XAF1: variants seen among roughly 807,000 people sequenced by gnomAD.
The protein encoded by XAF1 is XIAP associated factor 1.
In XAF1, 32 loss-of-function variants were observed where a neutral mutation model predicts 32.3. The observed-to-expected ratio is 0.99, with a 90% CI of 0.75 to 1.33. XAF1 has a LOEUF of 1.33. Among genes scored for constraint, XAF1 ranks in the 40% most tolerant of loss-of-function variants. The pLI, the probability that XAF1 is intolerant of heterozygous loss-of-function variation, is 0.00. For missense variants in XAF1, 379 were observed against 366.0 expected, an observed-to-expected ratio of 1.04 and a Z score of -0.29; for synonymous variants, 120 against 125.9, an observed-to-expected ratio of 0.95 and a Z score of 0.31.
chr17:6,761,547 C>G (rs1254961808), intron 4 of XAF1, among the ~76,000 whole-genome samples: 2 of 152,194 alleles, frequency 1.3e-5, no homozygotes, highest in Admixed American at 6.5e-5. Flanking sequence ...AACATGGTAA[C>G]ATGGGAGAGA....
At chr17:6,766,856 C>T (rs1975658581) in intron 5 of XAF1, among the ~76,000 whole-genome samples, 2 of 152,330 alleles carry the variant, frequency 1.3e-5, no homozygotes, top group East Asian at 1.9e-4. Flanking sequence ...ATGCCCCAGG[C>T]TTGATGATTA....
intron 5 of XAF1, among the ~76,000 whole-genome samples, chr17:6,766,112 C>T (rs1161175809): frequency 6.6e-6 from 1 of 152,172 alleles, no homozygotes; most frequent in East Asian, 1.9e-4. Context: ...AGCTAACTCT[C>T]TCACTTCTCT....
At chr17:6,760,734 G>A in intron 4 of XAF1, 133 bp downstream of exon 4, 2 of 965,688 alleles carry the variant, frequency 2.1e-6, no homozygotes, top group Non-Finnish European at 3.0e-6. Flanking sequence ...AATTCATCTG[G>A]CTATTCTAAT....
intron 6 of XAF1, 67 bp downstream of exon 6, chr17:6,771,051 A>G (rs1000644479): frequency 6.5e-7 from 1 of 1,527,776 alleles, no homozygotes; most frequent in Non-Finnish European, 8.9e-7. Context: ...AAAAAATCCA[A>G]GACCTGAAAG....
intron 6 of XAF1, chr17:6,771,222 C>G: frequency 2.2e-6 from 1 of 444,812 alleles, no homozygotes; most frequent in Non-Finnish European, 4.0e-6. Flanking sequence ...AAGGTAGAGC[C>G]AGGTCCCTCT....
chr17:6,773,281 C>A lies in XAF1; in HGVS notation c.*112C>A. ...AAGGTGATGGGTTTTATTCGTTGGG[C>A]TTTAAAAGAAAAGGTTTGGCAGAAC... On this transcript the variant is annotated 3_prime_UTR_variant, in exon 7 of 7. Transcript: ENST00000361842. The A allele has an allele frequency of 1.0e-6, 1 of 963,182 alleles. No homozygotes were observed. Among genetic ancestry groups the A allele is most frequent in the Non-Finnish European group, 1.5e-6 (1 of 676,658 alleles). The allele number at this position is 963,182 out of a possible 1,614,324, so 59.7% of individuals were successfully genotyped here. A position where few individuals can be genotyped will look rare whatever the true frequency, so the allele number is the denominator to read the frequency against.
intron 6 of XAF1, chr17:6,771,826 T>C (rs957086794): frequency 2.6e-5 from 4 of 152,208 alleles, no homozygotes; most frequent in African/African-American, 9.7e-5. Flanking sequence ...AAAGCAAAGC[T>C]AACCCTAATT....
intron 5 of XAF1, among the ~76,000 whole-genome samples, chr17:6,768,159 T>G (rs73356283): frequency 0.041 from 6,271 of 152,004 alleles, 395 homozygotes; most frequent in African/African-American, 0.14. Flanking sequence ...AGTCTCACTC[T>G]GTTGCCTGGG....
intron 5 of XAF1, among the ~76,000 whole-genome samples, chr17:6,769,204 T>C (rs1172490681): frequency 2.0e-5 from 3 of 152,140 alleles, no homozygotes; most frequent in Non-Finnish European, 4.4e-5. Flanking sequence ...ATTTTCTGTT[T>C]TTAGCCCATC....
chr17:6,756,107 AC>A lies in XAF1; in HGVS notation c.30del (p.Cys11ValfsTer5), dbSNP rs1437077601. 5.6e-6 allele frequency: 9 copies of A among 1,613,878 alleles called. No individual in the cohort carries two copies. The highest frequency in any genetic ancestry group is 7.6e-6 in the Non-Finnish European group (9 of 1,179,976). ...GAAGGAGACTTCTCGGTGTGCAGGA[AC>A]TGGTAAGAAAGTGCTTTCTCCAGCG... MEGDFSVCR[N>X]CKRHVVSANF... On this transcript the variant is annotated frameshift_variant and splice_region_variant, in exon 1 of 7. Transcript: ENST00000361842. LOFTEE classifies it high-confidence loss of function.
At chr17:6,756,399 AC>A in intron 1 of XAF1, 1 of 782,752 alleles carries the variant, frequency 1.3e-6, no homozygotes, top group East Asian at 3.6e-5. Flanking sequence ...CAACTGGGCT[AC>A]TCATACTTGT....
In XAF1 at chr17:6,760,451, C is replaced by T. The variant is rs774998839; in HGVS notation, c.271C>T (p.Leu91=). ...CCCTGTTGAGTGTAAGTTCTGCAAA[C>T]TGGACATGCAGCTCAGCAAGCTGGA... is the stretch of plus-strand genomic sequence containing the variant. ...ERPVECKFCK[L]DMQLSKLELH... is the part of the protein sequence containing the mutation. The change falls in exon 4 of 7, where the codon CTG becomes TTG. Residue 91 remains leucine, a synonymous_variant. Transcript: ENST00000361842. The T allele has an allele frequency of 1.2e-6, 2 of 1,606,880 alleles. No homozygotes were observed. Among genetic ancestry groups the T allele is most frequent in the Non-Finnish European group, 1.7e-6 (2 of 1,176,108 alleles).
At chr17:6,765,367 CACGCCACT>C (rs1478153168) in intron 5 of XAF1, among the ~76,000 whole-genome samples, 1 of 152,100 alleles carries the variant, frequency 6.6e-6, no homozygotes, top group Non-Finnish European at 1.5e-5. Context: ...GAGCCGAGAT[CACGCCACT>C]ACACTGCAGC....
At chr17:6,766,242 A>G (rs1364517390) in intron 5 of XAF1, among the ~76,000 whole-genome samples, 1 of 152,116 alleles carries the variant, frequency 6.6e-6, no homozygotes, top group Non-Finnish European at 1.5e-5. Flanking sequence ...TATTTTTTCC[A>G]TAGCATTTGC....
chr17:6,770,914 C>A lies in XAF1; in HGVS notation c.779C>A (p.Ala260Asp). The change falls in exon 6 of 7, where the codon GCC becomes GAC. Residue 260 changes from alanine (A) to aspartate (D), a missense_variant. Transcript: ENST00000361842. ...RTSSPRGDKA[A>D]YDILRRCSQC... ...AGCTCCCCTAGAGGAGATAAAGCAG[C>A]CTATGACATTCTGAGGAGATGTTCT... 1 of 1,614,140 alleles carries A rather than the reference C, an allele frequency of 6.2e-7. No individual in the cohort carries two copies. Among genetic ancestry groups the A allele is most frequent in the Non-Finnish European group, 8.5e-7 (1 of 1,180,028 alleles).
At position 6,773,126 on chromosome 17, in the gene XAF1, G is replaced by T. The variant is rs1976182924; in HGVS notation, c.863G>T (p.Trp288Leu). 1.9e-6 allele frequency: 3 copies of T among 1,606,128 alleles called. No homozygotes were observed. The highest frequency in any genetic ancestry group is 2.7e-5 in the African/African-American group (2 of 74,286). The change falls in exon 7 of 7, where the codon TGG becomes TTG. Residue 288 changes from tryptophan (W) to leucine (L), a missense_variant. Transcript: ENST00000361842. ...TCCATTTCTTAGGAGAAATGCCGGT[G>T]GTTAGCTTCATCAAAAGGAAAACAA... is the stretch of plus-strand genomic sequence containing the variant. ...ILNQHQEKCR[W>L]LASSKGKQVR...
At chr17:6,765,005 TTC>T (rs1975488035) in intron 5 of XAF1, among the ~76,000 whole-genome samples, 1 of 152,230 alleles carries the variant, frequency 6.6e-6, no homozygotes, top group South Asian at 2.1e-4. Flanking sequence ...TGGTCTCTCA[TTC>T]TCTACCTCCC....
In XAF1 at chr17:6,758,185, G is replaced by A; in HGVS notation, c.129G>A (p.Lys43=). The change falls in exon 2 of 7, where the codon AAG becomes AAA. Residue 43 remains lysine (K), a synonymous_variant. Coordinates refer to ENST00000361842, the MANE Select transcript of XAF1 (RefSeq NM_017523.5). ...LCPECEEPVP[K]ETMEEHCKLE... is the part of the protein sequence containing the mutation. ...CGGAGTGTGAGGAGCCTGTCCCCAA[G>A]GAAACCATGGAGGAGCACTGCAAGC... is the stretch of plus-strand genomic sequence containing the variant. 1.2e-6 allele frequency: 2 copies of A among 1,614,236 alleles called. No homozygotes were observed. The highest frequency in any genetic ancestry group is 1.7e-6 in the Non-Finnish European group (2 of 1,180,040).
chr17:6,761,407 G>A (rs969160831), intron 4 of XAF1, among the ~76,000 whole-genome samples: 4 of 152,156 alleles, frequency 2.6e-5, no homozygotes, highest in Admixed American at 1.3e-4. Flanking sequence ...CTGGCCTGGG[G>A]GCCTATGTAT....
Sources: allele counts gnomAD v4.1 joint callset (sites outside exome capture counted in the v4.1 genomes callset), GRCh38; gene constraint gnomAD v4.1.1; transcripts MANE v1.5; gene names NCBI Gene and HGNC (gene_info 2026-07-23, HGNC 2026-07-21).